Variants in SLC14A2 observed in about 807,000 individuals in gnomAD.
SLC14A2 encodes urea transporter 2.
In SLC14A2, 91 loss-of-function variants were observed where a neutral mutation model predicts 104.6. The ratio of observed to expected loss-of-function variants is 0.87; its 90% CI spans 0.73 to 1.04. The LOEUF (loss-of-function observed/expected upper bound fraction) is 1.04, where lower values mean the gene tolerates loss of function less well. SLC14A2 is among the 50% of genes least tolerant of loss of function. SLC14A2 has a pLI of 0.00. For missense variants in SLC14A2, 1,189 were observed against 1,156.0 expected (o/e 1.03, Z -0.41); for synonymous variants, 476 against 466.4 (o/e 1.02, Z -0.27).
chr18:45,655,571 G>A (rs73953268), intron 10 of SLC14A2, among the ~76,000 whole-genome samples: 6,500 of 152,256 alleles, frequency 0.043, 442 homozygotes, highest in African/African-American at 0.15. Context: ...TAGACTTACA[G>A]GGAAAGAGTG....
At chr18:45,514,615 C>T (rs1216341210) in intron 2 of SLC14A2, among the ~76,000 whole-genome samples, 1 of 152,108 alleles carries the variant, frequency 6.6e-6, no homozygotes, top group African/African-American at 2.4e-5. Flanking sequence ...GGTGAGCATC[C>T]TAACGTAGAC....
At chr18:45,677,425 T>C (rs1414039480) in intron 18 of SLC14A2, among the ~76,000 whole-genome samples, 1 of 152,130 alleles carries the variant, frequency 6.6e-6, no homozygotes, top group Non-Finnish European at 1.5e-5. Context: ...ACCTCAGATC[T>C]GAGAGGCTGA....
At chr18:45,309,520 AG>A (rs2085056880) in intron 1 of SLC14A2, among the ~76,000 whole-genome samples, 1 of 151,894 alleles carries the variant, frequency 6.6e-6, no homozygotes, top group Non-Finnish European at 1.5e-5. Flanking sequence ...ACTGACTCAA[AG>A]GTGGATGAAA....
intron 2 of SLC14A2, among the ~76,000 whole-genome samples, chr18:45,484,442 T>A (rs749772112): frequency 8.5e-5 from 13 of 152,184 alleles, no homozygotes; most frequent in Non-Finnish European, 1.5e-4. Context: ...AGAACCTTCT[T>A]GCTGAGGAAA....
intron 1 of SLC14A2, among the ~76,000 whole-genome samples, chr18:45,275,109 G>A (rs1425372434): frequency 3.3e-5 from 5 of 152,136 alleles, no homozygotes; most frequent in Non-Finnish European, 5.9e-5. Flanking sequence ...TGGGGGTGGA[G>A]GCAAGTAAAG....
In SLC14A2 at chr18:45,667,959, C is replaced by T. The variant is rs779206322; in HGVS notation, c.1844C>T (p.Ala615Val). The T allele has an allele frequency of 2.7e-5, 43 of 1,614,128 alleles. No homozygotes were observed. Among genetic ancestry groups the T allele is most frequent in the South Asian group, 1.9e-4 (17 of 91,078 alleles). ...CTCTTCATCCAGAACCCCTGGTGGGCGATCTCAGGCTGCCTGGGTACCATC... is the reference window on the plus strand; with the variant it reads ...CTCTTCATCCAGAACCCCTGGTGGGTGATCTCAGGCTGCCTGGGTACCATC... Reference protein sequence around the residue: ...LGLFIQNPWWAISGCLGTIMS... With the variant: ...LGLFIQNPWWVISGCLGTIMS... Residue 615 changes from alanine to valine, a missense_variant, in exon 14 of 20, where the codon GCG becomes GTG. Transcript: ENST00000255226.
At chr18:45,275,653 GC>G (rs2084694524) in intron 1 of SLC14A2, among the ~76,000 whole-genome samples, 1 of 152,168 alleles carries the variant, frequency 6.6e-6, no homozygotes, top group Non-Finnish European at 1.5e-5. Context: ...TATTTAAGGT[GC>G]TCCAAAAAAG....
At chr18:45,183,906 A>ATTTTTTT in the SLC14A2 span, among the ~76,000 whole-genome samples, 3,467 of 62,726 alleles carry the variant, frequency 0.055, 428 homozygotes, top group Middle Eastern at 0.096. Context: ...TAATTTTCTA[A>ATTTTTTT]TTTTTTTTTT....
At chr18:45,631,324 C>T (rs992014878) in intron 4 of SLC14A2, among the ~76,000 whole-genome samples, 2 of 152,242 alleles carry the variant, frequency 1.3e-5, no homozygotes, top group African/African-American at 4.8e-5. Flanking sequence ...CACTCCTTGG[C>T]AGGGGCCTTG....
At chr18:45,600,166 G>C (rs1345910880) in intron 2 of SLC14A2, among the ~76,000 whole-genome samples, 1 of 152,164 alleles carries the variant, frequency 6.6e-6, no homozygotes, top group Non-Finnish European at 1.5e-5. Context: ...GGCAGTTAAA[G>C]ATACTAAAAT....
intron 1 of SLC14A2, among the ~76,000 whole-genome samples, chr18:45,328,763 G>T (rs1031952444): frequency 7.2e-5 from 11 of 152,214 alleles, no homozygotes; most frequent in Non-Finnish European, 1.5e-4. Flanking sequence ...GGAGCCAATT[G>T]GTTTTTATGA....
chr18:45,195,809 G>C, the SLC14A2 span, among the ~76,000 whole-genome samples: 57,455 of 151,932 alleles, frequency 0.38, 11,967 homozygotes, highest in Non-Finnish European at 0.49. Context: ...CGTAGGATTG[G>C]ATAGGATAGG....
Position 45,663,815 on chromosome 18 carries a change from G to C in SLC14A2, c.1382G>C (p.Gly461Ala). 6.2e-7 allele frequency: 1 copy of C among 1,613,134 alleles called. No homozygotes were observed. The highest frequency in any genetic ancestry group is 8.5e-7 in the Non-Finnish European group (1 of 1,179,910). The change falls in exon 11 of 20, where the codon GGC becomes GCC. Residue 461 changes from glycine (G) to alanine (A), a missense_variant. Transcript: ENST00000255226. ...GGGGEHPPTA[G>A]PKVEEGSEAV... Reference sequence around the variant, plus strand: ...GGTGGGGAGCATCCACCCACAGCAGGCCCAAAGGTGGAGGAGGGCTCGGAG... The same window carrying C: ...GGTGGGGAGCATCCACCCACAGCAGCCCCAAAGGTGGAGGAGGGCTCGGAG...
In SLC14A2 at chr18:45,427,522, G is replaced by A. The variant is rs141460143; in HGVS notation, c.-124-55711G>A. ...GGCAGACCAACATCTGAGGTACATG[G>A]TGTGTGTGTGCACAGAGGTGTCAAA... On this transcript the variant is annotated intron_variant, in intron 1 of 20. Coordinates refer to the SLC14A2 transcript ENST00000586448. Among the ~76,000 whole-genome samples the A allele has an allele frequency of 4.7e-3, 715 of 152,202 alleles. 5 individuals carry two copies. Among genetic ancestry groups the A allele is most frequent in the African/African-American group, 0.017 (686 of 41,528 alleles).
the SLC14A2 span, among the ~76,000 whole-genome samples, chr18:45,202,278 T>C: frequency 6.6e-6 from 1 of 152,106 alleles, no homozygotes. Context: ...GGAAAAACAG[T>C]TTCATTTCCA....
At chr18:45,196,143 C>A in the SLC14A2 span, among the ~76,000 whole-genome samples, 1 of 152,084 alleles carries the variant, frequency 6.6e-6, no homozygotes, top group Non-Finnish European at 1.5e-5. Flanking sequence ...ATGATTGGCA[C>A]AAAGATAGTT....
chr18:45,230,282 G>A lies in SLC14A2; in HGVS notation c.-125+17091G>A, dbSNP rs551672119. ...CCCAAATGTATTATTGTAAAGTCCT[G>A]TAAGGCAGAAGTCGAACATGGGCCT... On this transcript the variant is annotated intron_variant, in intron 1 of 20. Transcript: ENST00000586448. 1.2e-3 allele frequency among the ~76,000 whole-genome samples: 185 copies of A among 152,314 alleles called. 1 individual carries two copies. The highest frequency in any genetic ancestry group is 5.0e-3 in the South Asian group (24 of 4,830).
intron 1 of SLC14A2, among the ~76,000 whole-genome samples, chr18:45,254,015 A>C (rs1236287661): frequency 6.6e-6 from 1 of 152,104 alleles, no homozygotes; most frequent in Admixed American, 6.5e-5. Context: ...GAACCAAAGG[A>C]CCGAACGCTA....
At chr18:45,300,332 G>T (rs916214511) in intron 1 of SLC14A2, among the ~76,000 whole-genome samples, 23 of 151,972 alleles carry the variant, frequency 1.5e-4, no homozygotes, top group African/African-American at 5.6e-4. Flanking sequence ...AAGGCTTAGA[G>T]AGGTTAAGTA....
Sources: allele counts gnomAD v4.1 joint callset (sites outside exome capture counted in the v4.1 genomes callset), GRCh38; gene constraint gnomAD v4.1.1; transcripts MANE v1.5; gene names NCBI Gene and HGNC (gene_info 2026-07-23, HGNC 2026-07-21).